Variants in TMED8 observed in about 807,000 individuals in gnomAD.
The protein encoded by TMED8 is transmembrane p24 trafficking protein family member 8.
A neutral mutation model predicts 32.7 loss-of-function variants in TMED8; 15 were observed. The observed-to-expected ratio is 0.46, with a 90% CI of 0.31 to 0.71. TMED8 has a LOEUF of 0.71. TMED8 is among the 30% of genes least tolerant of loss of function. TMED8 has a pLI of 0.06. For missense variants in TMED8, 390 were observed against 423.9 expected (o/e 0.92, Z 0.70); for synonymous variants, 147 against 161.4 (o/e 0.91, Z 0.68).
Position 77,343,677 on chromosome 14 carries a change from T to C in TMED8, c.454+20A>G, listed in dbSNP as rs775540973. 9 of 1,613,810 alleles carry C rather than the reference T, an allele frequency of 5.6e-6. No homozygotes were observed. The South Asian group carries it at 8.8e-5, about 16-fold the overall frequency. On this transcript the variant is annotated intron_variant, in intron 4 of 5. Coordinates refer to ENST00000216468, the MANE Select transcript of TMED8 (RefSeq NM_213601.3). ...TATCTACTGGAAACAAACCACCTCC[T>C]TTACTCCCAAAGGTCTCACCTTTCC... is the stretch of plus-strand genomic sequence containing the variant.
At chr14:77,352,082 T>C (rs1447509029) in intron 1 of TMED8, among the ~76,000 whole-genome samples, 1 of 152,144 alleles carries the variant, frequency 6.6e-6, no homozygotes, top group Non-Finnish European at 1.5e-5. Flanking sequence ...GGAGGATTGC[T>C]TGAGACCAGG....
At chr14:77,353,393 T>A (rs1367440252) in intron 1 of TMED8, among the ~76,000 whole-genome samples, 2 of 152,054 alleles carry the variant, frequency 1.3e-5, no homozygotes, top group East Asian at 3.8e-4. Flanking sequence ...TAATTTAGTC[T>A]CATGTTTTAT....
intron 3 of TMED8, among the ~76,000 whole-genome samples, chr14:77,345,477 A>T (rs1018092752): frequency 6.6e-6 from 1 of 152,078 alleles, no homozygotes; most frequent in Non-Finnish European, 1.5e-5. Flanking sequence ...CTAATAAATG[A>T]TAGAAACAAC....
intron 1 of TMED8, among the ~76,000 whole-genome samples, chr14:77,364,344 G>A (rs974331011): frequency 1.3e-5 from 2 of 152,012 alleles, no homozygotes; most frequent in Admixed American, 6.6e-5. Flanking sequence ...TTAACCTCTC[G>A]AGTAGCTCCT....
intron 1 of TMED8, among the ~76,000 whole-genome samples, chr14:77,368,666 A>G (rs772278467): frequency 6.6e-6 from 1 of 152,042 alleles, no homozygotes; most frequent in Non-Finnish European, 1.5e-5. Flanking sequence ...TAGTAGAGAC[A>G]GGGTTTCACC....
In TMED8 at chr14:77,337,050, T is replaced by C. The variant is rs1202928302; in HGVS notation, c.*4721A>G. 2 of 152,330 alleles carry C rather than the reference T, an allele frequency of 1.3e-5. No homozygotes were observed. The highest frequency in any genetic ancestry group is 3.4e-3 in the Middle Eastern group (1 of 294). 9.4% of individuals were successfully genotyped at this position (152,330 alleles called of 1,614,324 possible). A position where few individuals can be genotyped will look rare whatever the true frequency, so the allele number is the denominator to read the frequency against. ...CATATTATAATGGGACAATATACAC[T>C]TTTTTAAAAGTCTGAGTTTTTCTTC... On this transcript the variant is annotated 3_prime_UTR_variant, in exon 6 of 6. Transcript: ENST00000216468.
chr14:77,336,657 AATTTT>A lies in TMED8; in HGVS notation c.*5109_*5113del, dbSNP rs1279382732. The A allele has an allele frequency of 7.4e-5, 11 of 148,262 alleles. No individual in the cohort carries two copies. The highest frequency in any genetic ancestry group is 6.7e-4 in the Admixed American group (10 of 14,924). 9.2% of individuals were successfully genotyped at this position (148,262 alleles called of 1,614,324 possible). On this transcript the variant is annotated 3_prime_UTR_variant, in exon 6 of 6. Coordinates refer to ENST00000216468, the MANE Select transcript of TMED8 (RefSeq NM_213601.3). ...CCCATACTCCTACCCTTTGCCCCCT[AATTTT>A]ATTTTGTTTTCCCTCGTTGTGATCA...
chr14:77,351,209 C>T (rs12881974), intron 2 of TMED8, among the ~76,000 whole-genome samples: 2 of 151,724 alleles, frequency 1.3e-5, no homozygotes, highest in African/African-American at 4.8e-5. Flanking sequence ...ATCCCTGGCC[C>T]GGCGCGGTGG....
chr14:77,368,352 G>A (rs924839110), intron 1 of TMED8, among the ~76,000 whole-genome samples: 25 of 152,262 alleles, frequency 1.6e-4, no homozygotes, highest in Admixed American at 1.3e-3. Flanking sequence ...GTAGATGTAT[G>A]CTAATTTAGT....
intron 2 of TMED8, among the ~76,000 whole-genome samples, chr14:77,349,686 C>T (rs952551656): frequency 6.6e-6 from 1 of 152,164 alleles, no homozygotes; most frequent in Admixed American, 6.5e-5. Context: ...CCCTTCCTGG[C>T]CTTGTCACTG....
Position 77,377,049 on chromosome 14 carries a change from G to A in TMED8, c.5C>T (p.Ser2Phe), listed in dbSNP as rs922660658. The change falls in exon 1 of 6, where the codon TCT (serine) becomes TTT (phenylalanine). Residue 2 changes from serine (S) to phenylalanine (F), a missense_variant. Physicochemically the swap from Ser to Phe is radical, Grantham distance 155 (BLOSUM62 -2). Transcript: ENST00000216468. The part of the protein sequence containing the change: M[S>F]DLQAAEGPGS... Reference sequence around the variant, plus strand: ...CGGCCCCTCAGCCGCCTGCAGGTCAGACATCTGCAGCCCGCGCACGGAGCT... The same window carrying A: ...CGGCCCCTCAGCCGCCTGCAGGTCAAACATCTGCAGCCCGCGCACGGAGCT... The A allele has an allele frequency of 2.2e-6, 3 of 1,366,404 alleles. No homozygotes were observed. The highest frequency in any genetic ancestry group is 3.1e-5 in the African/African-American group (2 of 65,020). 84.6% of individuals were successfully genotyped at this position (1,366,404 alleles called of 1,614,324 possible).
intron 1 of TMED8, among the ~76,000 whole-genome samples, chr14:77,360,267 A>C (rs761167662): frequency 2.0e-5 from 3 of 152,286 alleles, no homozygotes; most frequent in African/African-American, 4.8e-5. Flanking sequence ...CTCATATTGT[A>C]CATTAGATCT....
intron 1 of TMED8, among the ~76,000 whole-genome samples, chr14:77,364,198 TTTC>T (rs941336771): frequency 6.6e-5 from 10 of 152,256 alleles, no homozygotes; most frequent in South Asian, 4.1e-4. Flanking sequence ...CTTTCTTTTT[TTTC>T]TTCTTCTTCT....
chr14:77,344,980 C>G (rs1296584481), intron 3 of TMED8, among the ~76,000 whole-genome samples: 2 of 152,032 alleles, frequency 1.3e-5, no homozygotes, highest in Non-Finnish European at 2.9e-5. Context: ...CCTCAGTTTC[C>G]TCATTTCTTT....
In TMED8 at chr14:77,376,982, GC is replaced by G; in HGVS notation, c.71del (p.Gly24AlafsTer21). On this transcript the variant is annotated frameshift_variant, in exon 1 of 6. Transcript: ENST00000216468. LOFTEE classifies it high-confidence loss of function. The surrounding 1 kb of genome is among the most constrained non-coding windows in gnomAD (Gnocchi z 4.0). ...SPTARPGSAG[G>X]VGDCQGVEGS... ...CCTCCACTCCCTGGCAGTCCCCGAC[GC>G]CGCCAGCCGACCCTGGGCGGGCTGT... 6.9e-7 allele frequency: 1 copy of G among 1,448,420 alleles called. No individual in the cohort carries two copies. Among genetic ancestry groups the G allele is most frequent in the Non-Finnish European group, 9.0e-7 (1 of 1,108,930 alleles). The allele number at this position is 1,448,420 out of a possible 1,614,324, so 89.7% of individuals were successfully genotyped here.
chr14:77,366,437 C>T (rs548346851), intron 1 of TMED8, among the ~76,000 whole-genome samples: 2 of 152,354 alleles, frequency 1.3e-5, no homozygotes, highest in Non-Finnish European at 1.5e-5. Flanking sequence ...GGCAGCCAAA[C>T]AGCCAAGTTG....
intron 1 of TMED8, among the ~76,000 whole-genome samples, chr14:77,372,920 A>T (rs866739857): frequency 0.13 from 2,321 of 18,224 alleles, 151 homozygotes; most frequent in South Asian, 0.17. Context: ...ATATATATAT[A>T]TATATATATA....
chr14:77,341,979 G>A lies in TMED8; in HGVS notation c.770C>T (p.Pro257Leu), dbSNP rs779280302. Residue 257 changes from proline to leucine, a missense_variant, in exon 6 of 6, where the codon CCA (proline) becomes CTA (leucine). Transcript: ENST00000216468. ...GGAGCCTCTCTCCACATCTCCAGCT[G>A]GAACGGGTTCTGCGTGAGCAAAATG... is the stretch of plus-strand genomic sequence containing the variant. ...EEEEEIEEPVPAGDVERGSRS... is the reference protein window; with the variant it reads ...EEEEEIEEPVLAGDVERGSRS... The A allele has an allele frequency of 6.2e-7, 1 of 1,613,954 alleles. No individual in the cohort carries two copies. The highest frequency in any genetic ancestry group is 1.1e-5 in the South Asian group (1 of 91,068).
chr14:77,370,481 G>T (rs1893651352), intron 1 of TMED8, among the ~76,000 whole-genome samples: 1 of 152,038 alleles, frequency 6.6e-6, no homozygotes, highest in Non-Finnish European at 1.5e-5. Flanking sequence ...CCTATAGAAA[G>T]GCTCTTATTT....
Sources: gnomAD v4.1 joint callset for allele counts (sites outside exome capture counted in the v4.1 genomes callset) on GRCh38, gnomAD v4.1.1 for gene constraint, Gnocchi (gnomAD v3.1) non-coding constraint, MANE v1.5 for transcripts, NCBI Gene and HGNC (gene_info 2026-07-23, HGNC 2026-07-21) for gene names.